Variants in RNF24 observed in about 807,000 individuals in gnomAD.
The protein encoded by RNF24 is ring finger protein 24.
A neutral mutation model predicts 20.0 loss-of-function variants in RNF24; 14 were observed. The ratio of observed to expected loss-of-function variants is 0.70; its 90% confidence interval spans 0.46 to 1.10. RNF24 has a LOEUF of 1.10. RNF24 is among the 50% of genes least tolerant of loss of function. RNF24 has a pLI of 0.00. For missense variants in RNF24, 124 were observed against 177.6 expected (o/e 0.70, Z 1.71); for synonymous variants, 45 against 61.1 (o/e 0.74, Z 1.23).
intron 1 of RNF24, among the ~76,000 whole-genome samples, chr20:4,012,147 T>G (rs1011824907): frequency 5.3e-5 from 8 of 152,046 alleles, no homozygotes; most frequent in African/African-American, 2.4e-5. Flanking sequence ...GCGCGGTGGC[T>G]CACACCTATA....
chr20:3,976,095 C>G (rs1978845588), intron 1 of RNF24, among the ~76,000 whole-genome samples: 1 of 152,078 alleles, frequency 6.6e-6, no homozygotes, highest in African/African-American at 2.4e-5. Flanking sequence ...CCACCAACAT[C>G]TTGATTTCAG....
At chr20:3,985,945 G>T (rs992996446) in intron 1 of RNF24, among the ~76,000 whole-genome samples, 2 of 151,974 alleles carry the variant, frequency 1.3e-5, no homozygotes, top group African/African-American at 2.4e-5. Context: ...TCCTAGTAGA[G>T]GTCTGGTTTC....
intron 2 of RNF24, among the ~76,000 whole-genome samples, chr20:3,960,235 G>C (rs2091186866): frequency 6.6e-6 from 1 of 152,122 alleles, no homozygotes; most frequent in South Asian, 2.1e-4. Flanking sequence ...TAAAAAATGA[G>C]CTAGGGTAAT....
chr20:4,001,940 G>C, intron 1 of RNF24, among the ~76,000 whole-genome samples: 1 of 150,872 alleles, frequency 6.6e-6, no homozygotes, highest in Non-Finnish European at 1.5e-5. Flanking sequence ...GTGAGACCCT[G>C]CCTCTTAAAA....
chr20:3,939,104 T>C (rs1171400403), intron 4 of RNF24, among the ~76,000 whole-genome samples: 1 of 152,152 alleles, frequency 6.6e-6, no homozygotes, highest in African/African-American at 2.4e-5. Flanking sequence ...AGATGTCATA[T>C]CTAAGAATCC....
At chr20:3,952,959 T>G (rs1239790744) in intron 2 of RNF24, among the ~76,000 whole-genome samples, 1 of 152,200 alleles carries the variant, frequency 6.6e-6, no homozygotes, top group African/African-American at 2.4e-5. Flanking sequence ...GTCTATAATT[T>G]CCTTTCTCAT....
At chr20:3,996,676 A>AATGT (rs1372280867) in intron 1 of RNF24, among the ~76,000 whole-genome samples, 3 of 152,188 alleles carry the variant, frequency 2.0e-5, no homozygotes, top group African/African-American at 7.2e-5. Context: ...AGTTCTGGCC[A>AATGT]ATGTAACTGA....
intron 1 of RNF24, among the ~76,000 whole-genome samples, chr20:3,971,461 G>A (rs1176749510): frequency 3.9e-5 from 6 of 152,130 alleles, no homozygotes; most frequent in Admixed American, 3.9e-4. Context: ...AAATATAAGG[G>A]TAAATACAAT....
chr20:3,972,942 C>A (rs886251851), intron 1 of RNF24, among the ~76,000 whole-genome samples: 2 of 151,544 alleles, frequency 1.3e-5, no homozygotes, highest in Non-Finnish European at 2.9e-5. Flanking sequence ...ATGGCTCACG[C>A]CTGTAATCTC....
intron 3 of RNF24, 22 bp downstream of exon 3, chr20:3,948,215 C>T: frequency 1.3e-6 from 2 of 1,563,506 alleles, no homozygotes. Flanking sequence ...AAATCAAAGC[C>T]AATCTGAATT....
chr20:3,996,726 C>A (rs1396766080), intron 1 of RNF24, among the ~76,000 whole-genome samples: 1 of 152,172 alleles, frequency 6.6e-6, no homozygotes. Context: ...TAACAGAATA[C>A]TGACAGGTGC....
At chr20:3,971,363 A>G (rs1978344967) in intron 1 of RNF24, among the ~76,000 whole-genome samples, 1 of 152,248 alleles carries the variant, frequency 6.6e-6, no homozygotes, top group Non-Finnish European at 1.5e-5. Context: ...ACTCTTGAAG[A>G]GTGACTAAAG....
intron 4 of RNF24, among the ~76,000 whole-genome samples, chr20:3,941,397 G>C (rs1182998852): frequency 6.6e-6 from 1 of 152,132 alleles, no homozygotes. Flanking sequence ...CCATATTGTG[G>C]CAAGGTCTCT....
intron 1 of RNF24, among the ~76,000 whole-genome samples, chr20:4,004,087 T>C (rs1281157297): frequency 1.3e-5 from 2 of 152,236 alleles, no homozygotes; most frequent in Non-Finnish European, 1.5e-5. Context: ...TACCAGACTT[T>C]AGTCAAATGC....
intron 2 of RNF24, among the ~76,000 whole-genome samples, chr20:3,956,010 C>T (rs777727697): frequency 4.3e-4 from 66 of 152,146 alleles, no homozygotes; most frequent in Non-Finnish European, 8.4e-4. Flanking sequence ...TTTATTAGTT[C>T]CAGTAGTTTT....
At chr20:3,944,799 A>G (rs2090998132) in intron 4 of RNF24, among the ~76,000 whole-genome samples, 1 of 152,160 alleles carries the variant, frequency 6.6e-6, no homozygotes, top group South Asian at 2.1e-4. Context: ...CCCCCATGAG[A>G]TAACTGCTCT....
intron 4 of RNF24, 51 bp downstream of exon 4, chr20:3,945,126 A>T: frequency 6.3e-7 from 1 of 1,587,306 alleles, no homozygotes; most frequent in Non-Finnish European, 8.6e-7. Context: ...ACCACAGCAT[A>T]CCACTGCTAC....
intron 2 of RNF24, among the ~76,000 whole-genome samples, chr20:3,957,059 G>A (rs1168113092): frequency 1.3e-5 from 2 of 152,076 alleles, no homozygotes; most frequent in African/African-American, 4.8e-5. Flanking sequence ...TTGGGAGGCC[G>A]AGGCGGGTGG....
chr20:3,959,464 ATT>A (rs1398684136), intron 2 of RNF24, among the ~76,000 whole-genome samples: 1 of 125,782 alleles, frequency 8.0e-6, no homozygotes, highest in Admixed American at 8.0e-5. Flanking sequence ...TTCAAAATTT[ATT>A]TTTGAGTATT....
Sources: allele counts gnomAD v4.1 joint callset (sites outside exome capture counted in the v4.1 genomes callset), GRCh38; gene constraint gnomAD v4.1.1; transcripts MANE v1.5; gene names NCBI Gene and HGNC (gene_info 2026-07-23, HGNC 2026-07-21).